Variants in RAB11FIP1 observed in about 807,000 individuals in gnomAD.
RAB11FIP1 encodes RAB11 family interacting protein 1.
RAB11FIP1 carries 49 observed loss-of-function variants against 83.1 expected under a neutral mutation model. The ratio of observed to expected loss-of-function variants is 0.59; its 90% CI spans 0.47 to 0.75. RAB11FIP1 has a LOEUF of 0.75. Ranked by LOEUF, RAB11FIP1 falls within the 30% of genes least tolerant of loss-of-function variation. RAB11FIP1 has a pLI of 0.00. For missense variants in RAB11FIP1, 1,536 were observed against 1,598.7 expected (o/e 0.96, Z 0.67); for synonymous variants, 670 against 656.0 (o/e 1.02, Z -0.33).
At position 37,871,986 on chromosome 8, in the gene RAB11FIP1, C is replaced by T; in HGVS notation, c.2816G>A (p.Ser939Asn). The change falls in exon 4 of 6, where the codon AGT (serine) becomes AAT (asparagine). Residue 939 changes from serine to asparagine, a missense_variant. By Grantham distance (46) the Ser-to-Asn change is conservative (BLOSUM62 1). Coordinates refer to ENST00000330843, the MANE Select transcript of RAB11FIP1 (RefSeq NM_001002814.3). ...AAAATCTGAGACCAACTGAAGGTCA[C>T]TCAAGGGGTCAGACAATAAACCTTC... Reference protein sequence around the residue: ...DHEGLLSDPLSDLQLVSDFKS... With the variant: ...DHEGLLSDPLNDLQLVSDFKS... 1 of 1,614,190 alleles carries T rather than the reference C, an allele frequency of 6.2e-7. No individual in the cohort carries two copies. The highest frequency in any genetic ancestry group is 8.5e-7 in the Non-Finnish European group (1 of 1,180,044).
Position 37,872,915 on chromosome 8 carries a change from G to A in RAB11FIP1, c.1887C>T (p.Pro629=), listed in dbSNP as rs777472836. 7.4e-6 allele frequency: 12 copies of A among 1,614,244 alleles called. No individual in the cohort carries two copies. Among genetic ancestry groups the A allele is most frequent in the South Asian group, 6.6e-5 (6 of 91,090 alleles). The change falls in exon 4 of 6, where the codon CCC becomes CCT. Residue 629 remains proline (P), a synonymous_variant. Coordinates refer to ENST00000330843, the MANE Select transcript of RAB11FIP1 (RefSeq NM_001002814.3). The stretch of plus-strand genomic sequence containing the variant: ...TTTGCAACTCTGCCTTAGGGAGCAA[G>A]GGTGGTCCTTCAGACTTGGCCTGGC... ...DRGQAKSEGP[P]LLPKAELQTE... is the part of the protein sequence containing the mutation.
chr8:37,875,359 T>C, intron 2 of RAB11FIP1, 37 bp from the exon 3 acceptor site: 3 of 1,521,386 alleles, frequency 2.0e-6, no homozygotes, highest in Non-Finnish European at 2.7e-6. Context: ...GGATAAGATG[T>C]TAAACGGGTG....
At chr8:37,893,755 A>C (rs545090369) in intron 1 of RAB11FIP1, among the ~76,000 whole-genome samples, 1 of 152,144 alleles carries the variant, frequency 6.6e-6, no homozygotes, top group East Asian at 1.9e-4. Flanking sequence ...ATGTCACTGC[A>C]CTCCAGCCTG....
rs558558036 is a variant in RAB11FIP1, at chr8:37,873,842, T to G, written c.1623-663A>C. 1.6e-4 allele frequency among the ~76,000 whole-genome samples: 24 copies of G among 150,744 alleles called. No individual in the cohort carries two copies. In the South Asian group the frequency reaches 4.6e-3, roughly 29 times the overall value. ...ACAAAGCAACAGGCACAGATAAGTT[T>G]AAGAGGAACAGTGTGTATGTGTGTG... is the stretch of plus-strand genomic sequence containing the variant. On this transcript the variant is annotated intron_variant, in intron 3 of 5. Coordinates refer to ENST00000330843, the MANE Select transcript of RAB11FIP1 (RefSeq NM_001002814.3).
intron 3 of RAB11FIP1, among the ~76,000 whole-genome samples, chr8:37,873,949 A>G (rs1336258608): frequency 2.6e-5 from 4 of 152,130 alleles, no homozygotes; most frequent in African/African-American, 4.8e-5. Context: ...GACCGCAGAA[A>G]TATTGTCAGT....
intron 5 of RAB11FIP1, among the ~76,000 whole-genome samples, chr8:37,865,652 G>A (rs1806328170): frequency 6.6e-6 from 1 of 152,108 alleles, no homozygotes; most frequent in African/African-American, 2.4e-5. Flanking sequence ...GTTTTATAAT[G>A]TCAGCCTCAT....
chr8:37,881,947 T>C (rs1585440830), intron 1 of RAB11FIP1, among the ~76,000 whole-genome samples: 1 of 152,172 alleles, frequency 6.6e-6, no homozygotes, highest in Non-Finnish European at 1.5e-5. Flanking sequence ...CTGACAGTCA[T>C]GTGGTAAATG....
At position 37,875,067 on chromosome 8, in the gene RAB11FIP1, G is replaced by A. The variant is rs1806579284; in HGVS notation, c.1070C>T (p.Ser357Phe). The A allele has an allele frequency of 6.2e-7, 1 of 1,614,078 alleles. No individual in the cohort carries two copies. The highest frequency in any genetic ancestry group is 1.3e-5 in the African/African-American group (1 of 74,926). The change falls in exon 3 of 6, where the codon TCT becomes TTT. Residue 357 changes from serine (S) to phenylalanine (F), a missense_variant. Ser to Phe is a radical substitution (Grantham distance 155). Transcript: ENST00000330843. Reference sequence around the variant, plus strand: ...AGACCCAGCCGCCAGGTTCTCTGTAGAAGAGAACAAATGCTTCTTTCTGAA... The same window carrying A: ...AGACCCAGCCGCCAGGTTCTCTGTAAAAGAGAACAAATGCTTCTTTCTGAA... ...KGFRKKHLFSSTENLAAGSWK... is the reference protein window; with the variant it reads ...KGFRKKHLFSFTENLAAGSWK...
intron 1 of RAB11FIP1, among the ~76,000 whole-genome samples, chr8:37,882,493 A>G (rs1352303177): frequency 6.6e-6 from 1 of 152,358 alleles, no homozygotes; most frequent in Middle Eastern, 3.4e-3. Context: ...AAACCCTTGT[A>G]GTAGGGCACA....
chr8:37,861,677 C>T lies in RAB11FIP1; in HGVS notation c.*1218G>A, dbSNP rs1381887402. 2.5e-6 allele frequency: 1 copy of T among 403,312 alleles called. No homozygotes were observed. The highest frequency in any genetic ancestry group is 4.8e-6 in the Non-Finnish European group (1 of 209,428). 25.0% of individuals were successfully genotyped at this position (403,312 alleles called of 1,614,324 possible). ...GATCTTGGCTCGCTGCAGCCTCCAT[C>T]TCCCAAGTTCAAGCAATTCTCCTGC... On this transcript the variant is annotated 3_prime_UTR_variant, in exon 6 of 6. Transcript: ENST00000330843.
chr8:37,876,210 A>AAAGAAAGG (rs1345773845), intron 2 of RAB11FIP1, among the ~76,000 whole-genome samples: 1 of 129,584 alleles, frequency 7.7e-6, no homozygotes, highest in Non-Finnish European at 1.7e-5. Context: ...AAAAGAAAAG[A>AAAGAAAGG]AAGAAAGGAA....
chr8:37,873,928 C>G (rs1331451827), intron 3 of RAB11FIP1, among the ~76,000 whole-genome samples: 1 of 151,714 alleles, frequency 6.6e-6, no homozygotes, highest in Non-Finnish European at 1.5e-5. Flanking sequence ...AAAAAAAAAT[C>G]TCACTCCCCA....
intron 1 of RAB11FIP1, among the ~76,000 whole-genome samples, chr8:37,894,116 C>T (rs1047660858): frequency 6.6e-6 from 1 of 151,984 alleles, no homozygotes; most frequent in African/African-American, 2.4e-5. Flanking sequence ...CAGTAAGGCT[C>T]AATATTATCT....
rs1806507485 is a variant in RAB11FIP1, at chr8:37,872,825, T to C, written c.1977A>G (p.Pro659=). 6.2e-7 allele frequency: 1 copy of C among 1,614,098 alleles called. No individual in the cohort carries two copies. The highest frequency in any genetic ancestry group is 1.3e-5 in the African/African-American group (1 of 74,920). The change falls in exon 4 of 6, where the codon CCA becomes CCG. Residue 659 remains proline (P), a synonymous_variant. Transcript: ENST00000330843. ...CTGTCCCTTTATTTGCTGGAAAGGATGGCTGTTTGAAAAGTGATCCCAGGG... is the reference window on the plus strand; with the variant it reads ...CTGTCCCTTTATTTGCTGGAAAGGACGGCTGTTTGAAAAGTGATCCCAGGG... ...SSALGSLFKQ[P]SFPANKGTED...
intron 1 of RAB11FIP1, among the ~76,000 whole-genome samples, chr8:37,883,246 T>C (rs1189382301): frequency 6.6e-6 from 1 of 151,972 alleles, no homozygotes; most frequent in Non-Finnish European, 1.5e-5. Context: ...TCGCCCAGGC[T>C]GGAGTGCAGT....
chr8:37,867,679 C>T (rs1174308401), intron 5 of RAB11FIP1, among the ~76,000 whole-genome samples: 1 of 150,344 alleles, frequency 6.7e-6, no homozygotes, highest in Admixed American at 6.6e-5. Context: ...TGCACTCCAG[C>T]CTGATCAACC....
intron 1 of RAB11FIP1, among the ~76,000 whole-genome samples, chr8:37,895,218 A>ATATATAT (rs1807040291): frequency 3.6e-4 from 5 of 13,704 alleles, no homozygotes; most frequent in East Asian, 3.5e-3. Context: ...GGTGCCTGCC[A>ATATATAT]ATATATATAT....
chr8:37,869,860 G>A (rs574752408), intron 5 of RAB11FIP1, among the ~76,000 whole-genome samples: 4 of 152,250 alleles, frequency 2.6e-5, no homozygotes, highest in African/African-American at 9.6e-5. Context: ...TCTTTGTACT[G>A]TTCCTGCAAC....
In RAB11FIP1 at chr8:37,870,451, C is replaced by G. The variant is rs773396449; in HGVS notation, c.3602G>C (p.Ser1201Thr). 1 of 1,610,452 alleles carries G rather than the reference C, an allele frequency of 6.2e-7. No individual in the cohort carries two copies. The highest frequency in any genetic ancestry group is 8.5e-7 in the Non-Finnish European group (1 of 1,176,808). The change falls in exon 5 of 6, where the codon AGT (serine) becomes ACT (threonine). Residue 1201 changes from serine (S) to threonine (T), a missense_variant. Coordinates refer to ENST00000330843, the MANE Select transcript of RAB11FIP1 (RefSeq NM_001002814.3). ...NCSLGTATIISENLNNEVMMK... is the reference protein window; with the variant it reads ...NCSLGTATIITENLNNEVMMK... ...CATGACCTCATTGTTCAAGTTCTCACTGATGATGGTGGCAGTTCCCAAGCT... is the reference window on the plus strand; with the variant it reads ...CATGACCTCATTGTTCAAGTTCTCAGTGATGATGGTGGCAGTTCCCAAGCT...
Sources: gnomAD v4.1 joint callset for allele counts (sites outside exome capture counted in the v4.1 genomes callset) on GRCh38, gnomAD v4.1.1 for gene constraint, MANE v1.5 for transcripts, NCBI Gene and HGNC (gene_info 2026-07-23, HGNC 2026-07-21) for gene names.